Variants in PPM1L observed in about 807,000 individuals in gnomAD.
PPM1L encodes the protein protein phosphatase, Mg2+/Mn2+ dependent 1L, also known as protein phosphatase 1L.
Under a neutral mutation model 31.4 loss-of-function variants are expected in PPM1L, and 13 were observed. The observed-to-expected ratio is 0.41, with a 90% CI of 0.27 to 0.66. PPM1L has a LOEUF of 0.66. Ranked by LOEUF, PPM1L falls within the 30% of genes least tolerant of loss-of-function variation. PPM1L has a pLI of 0.29. For missense variants in PPM1L, 326 were observed against 453.7 expected (o/e 0.72, Z 2.56); for synonymous variants, 184 against 175.4 (o/e 1.05, Z -0.39).
chr3:160,862,677 C>CAT (rs1711941178), intron 1 of PPM1L, among the ~76,000 whole-genome samples: 1 of 143,252 alleles, frequency 7.0e-6, no homozygotes, highest in Non-Finnish European at 1.5e-5. Flanking sequence ...CACACACACA[C>CAT]ACACACACAC....
In PPM1L at chr3:160,944,843, A is replaced by ATATAACATATATTATATATGT. The variant is rs1559897100; in HGVS notation, c.400-16889_400-16888insACATATATTATATATGTTATA. 7.1e-4 allele frequency among the ~76,000 whole-genome samples: 18 copies of ATATAACATATATTATATATGT among 25,392 alleles called. 2 individuals are homozygous for ATATAACATATATTATATATGT. Among genetic ancestry groups the ATATAACATATATTATATATGT allele is most frequent in the African/African-American group, 2.7e-3 (18 of 6,554 alleles). The allele number at this position is 25,392 out of a possible 152,430, so 16.7% of individuals were successfully genotyped here. ...ATGTTATATATAACATATATATGTT[A>ATATAACATATATTATATATGT]TATATAACATATATTATATATAATG... On this transcript the variant is annotated intron_variant, in intron 1 of 3. Transcript: ENST00000498165.
intron 1 of PPM1L, among the ~76,000 whole-genome samples, chr3:160,808,403 G>GCGCGCGCGCGCA (rs1560112689): frequency 3.3e-5 from 5 of 149,416 alleles, no homozygotes; most frequent in African/African-American, 1.3e-4. Context: ...GTGTGTGTGT[G>GCGCGCGCGCGCA]TGTGTGTGTG....
chr3:161,056,106 G>A (rs1236464610), intron 2 of PPM1L, among the ~76,000 whole-genome samples: 2 of 152,094 alleles, frequency 1.3e-5, no homozygotes, highest in Non-Finnish European at 1.5e-5. Flanking sequence ...AAGGTTGGAG[G>A]GGGGCAAGGG....
At chr3:160,916,497 A>T (rs1354077116) in intron 1 of PPM1L, among the ~76,000 whole-genome samples, 1 of 152,210 alleles carries the variant, frequency 6.6e-6, no homozygotes, top group African/African-American at 2.4e-5. Flanking sequence ...CTGCTATGAT[A>T]TAGCTCATTT....
intron 2 of PPM1L, among the ~76,000 whole-genome samples, chr3:160,989,969 C>T (rs1717078116): frequency 1.5e-5 from 2 of 134,004 alleles, no homozygotes; most frequent in South Asian, 2.6e-4. Context: ...CCAGCCATAG[C>T]AACGTTGTTT....
intron 1 of PPM1L, among the ~76,000 whole-genome samples, chr3:160,894,903 T>C (rs530398251): frequency 1.8e-4 from 27 of 152,368 alleles, no homozygotes; most frequent in African/African-American, 5.8e-4. Context: ...TTTACTTCAC[T>C]TTGTATAAAC....
intron 2 of PPM1L, among the ~76,000 whole-genome samples, chr3:160,986,210 T>C (rs567409734): frequency 6.6e-6 from 1 of 152,330 alleles, no homozygotes; most frequent in Admixed American, 6.5e-5. Flanking sequence ...CAGAGAGCCA[T>C]CTGGTATCTT....
At chr3:160,848,146 T>C (rs968042540) in intron 1 of PPM1L, among the ~76,000 whole-genome samples, 3 of 152,248 alleles carry the variant, frequency 2.0e-5, no homozygotes, top group African/African-American at 4.8e-5. Flanking sequence ...ATAAATGTAT[T>C]CTGGAATTAA....
chr3:160,845,617 T>C (rs1162906442), intron 1 of PPM1L, among the ~76,000 whole-genome samples: 3 of 152,038 alleles, frequency 2.0e-5, no homozygotes, highest in Non-Finnish European at 2.9e-5. Context: ...CTTTTAAAAG[T>C]TGTATAGTTT....
At chr3:160,856,530 A>G (rs984031919) in intron 1 of PPM1L, among the ~76,000 whole-genome samples, 3 of 152,206 alleles carry the variant, frequency 2.0e-5, no homozygotes, top group African/African-American at 4.8e-5. Flanking sequence ...GCTGGAGGCC[A>G]TTATCCTAAG....
At chr3:160,849,620 T>G (rs1355710240) in intron 1 of PPM1L, among the ~76,000 whole-genome samples, 2 of 151,488 alleles carry the variant, frequency 1.3e-5, no homozygotes, top group African/African-American at 4.9e-5. Flanking sequence ...GAGACGCAGT[T>G]TCACTGTGTG....
chr3:160,944,821 T>TA (rs1715296719), intron 1 of PPM1L, among the ~76,000 whole-genome samples: 2 of 54,808 alleles, frequency 3.6e-5, no homozygotes, highest in African/African-American at 1.1e-4. Flanking sequence ...CATATATATG[T>TA]TATATATAAC....
intron 1 of PPM1L, among the ~76,000 whole-genome samples, chr3:160,760,183 T>C (rs1337444234): frequency 6.6e-6 from 1 of 152,268 alleles, no homozygotes. Flanking sequence ...GGATTTCAGT[T>C]ATCCAGATAT....
chr3:160,798,253 T>C (rs1354033790), intron 1 of PPM1L, among the ~76,000 whole-genome samples: 1 of 152,156 alleles, frequency 6.6e-6, no homozygotes, highest in African/African-American at 2.4e-5. Flanking sequence ...CTAAAATAAT[T>C]GATGAAGGTG....
intron 1 of PPM1L, among the ~76,000 whole-genome samples, chr3:160,760,306 A>G (rs114377555): frequency 6.6e-6 from 1 of 152,198 alleles, no homozygotes; most frequent in East Asian, 1.9e-4. Flanking sequence ...GCCTCTTATG[A>G]TTTGGGTTAC....
chr3:161,021,797 A>C (rs1162871427), intron 2 of PPM1L, among the ~76,000 whole-genome samples: 1 of 151,812 alleles, frequency 6.6e-6, no homozygotes, highest in Non-Finnish European at 1.5e-5. Context: ...AATTTGTCTG[A>C]AGTATATTTT....
chr3:160,926,019 G>A (rs1576718769), intron 1 of PPM1L, among the ~76,000 whole-genome samples: 1 of 152,332 alleles, frequency 6.6e-6, no homozygotes, highest in Admixed American at 6.5e-5. Context: ...AGGAGAAGAG[G>A]CAGCGTTGAG....
chr3:160,835,082 C>CTTCTTCTTCTTCTTCTTCTTCT (rs1403731631), intron 1 of PPM1L, among the ~76,000 whole-genome samples: 17 of 141,664 alleles, frequency 1.2e-4, no homozygotes, highest in African/African-American at 4.5e-4. Context: ...TCTTCTTCTT[C>CTTCTTCTTCTTCTTCTTCTTCT]TTCTTTCTTT....
chr3:160,902,657 C>A (rs1383419088), intron 1 of PPM1L, among the ~76,000 whole-genome samples: 1 of 152,094 alleles, frequency 6.6e-6, no homozygotes, highest in Admixed American at 6.6e-5. Context: ...TTTTCTACAT[C>A]GACTGAATTT....
Sources: gnomAD v4.1 joint callset for allele counts (sites outside exome capture counted in the v4.1 genomes callset) on GRCh38, gnomAD v4.1.1 for gene constraint, MANE v1.5 for transcripts, NCBI Gene and HGNC (gene_info 2026-07-23, HGNC 2026-07-21) for gene names.